The following ATP13A2 variants were observed in gnomAD, a reference collection of about 807,000 sequenced individuals.
ATP13A2 encodes the protein ATPase cation transporting 13A2, also known as polyamine-transporting ATPase 13A2.
ATP13A2 carries 83 observed loss-of-function variants against 138.3 expected under a neutral mutation model. The observed-to-expected ratio is 0.60, with a 90% CI of 0.50 to 0.72. The LOEUF is 0.72. Among genes scored for constraint, ATP13A2 ranks in the 30% least tolerant of loss-of-function variants. ATP13A2 has a pLI of 0.00. For synonymous variants in ATP13A2, 663 were observed against 699.0 expected (o/e 0.95, Z 0.81); for missense variants, 1,402 against 1,606.4 (o/e 0.87, Z 2.17).
Position 16,996,231 on chromosome 1 carries a change from C to G in ATP13A2, c.1353+23G>C, listed in dbSNP as rs1477563301. 8 of 1,614,090 alleles carry G rather than the reference C, an allele frequency of 5.0e-6. No homozygotes were observed. The East Asian group carries it at 1.8e-4, about 36-fold the overall frequency. On this transcript the variant is annotated intron_variant, in intron 14 of 28. Transcript: ENST00000326735. ...CCCCTGGGCCCTGCTGGCAGCACCC[C>G]CCACCCCACCCCCAAGGCTTACCCG...
chr1:16,986,608 A>G lies in ATP13A2; in HGVS notation c.3260T>C (p.Leu1087Pro). 2 of 1,610,464 alleles carry G rather than the reference A, an allele frequency of 1.2e-6. No individual in the cohort carries two copies. Among genetic ancestry groups the G allele is most frequent in the South Asian group, 2.2e-5 (2 of 90,990 alleles). ...AAGGCCCACCAGGACGGAGCTCAGG[A>G]GCGCCAGGGCCACCAGGAAGGGCAC... is the stretch of plus-strand genomic sequence containing the variant. Reference protein sequence around the residue: ...TNVPFLVALALLSSVLVGLVL... With the variant: ...TNVPFLVALAPLSSVLVGLVL... The change falls in exon 28 of 29, where the codon CTC becomes CCC. Residue 1087 changes from leucine (L) to proline (P), a missense_variant. Coordinates refer to ENST00000326735, the MANE Select transcript of ATP13A2 (RefSeq NM_022089.4). The surrounding 1 kb of genome is among the most constrained non-coding windows in gnomAD (Gnocchi z 6.9).
In ATP13A2 at chr1:17,004,342, A is replaced by G; in HGVS notation, c.547T>C (p.Tyr183His). ...YIWIETQQAF[Y>H]QVSLLDHGRS... Reference sequence around the variant, plus strand: ...GGCCCTGACTCCTACCTGACCTGGTAGAAGGCTTGCTGGGTCTCGATCCAG... The same window carrying G: ...GGCCCTGACTCCTACCTGACCTGGTGGAAGGCTTGCTGGGTCTCGATCCAG... The change falls in exon 6 of 29, where the codon TAC becomes CAC. Residue 183 changes from tyrosine (Y) to histidine (H), a missense_variant. Transcript: ENST00000326735. The surrounding 1 kb of genome is among the most constrained non-coding windows in gnomAD (Gnocchi z 4.1). 6.2e-7 allele frequency: 1 copy of G among 1,613,904 alleles called. No homozygotes were observed. The highest frequency in any genetic ancestry group is 8.5e-7 in the Non-Finnish European group (1 of 1,179,914).
In ATP13A2 at chr1:16,988,151, A is replaced by G; in HGVS notation, c.2846T>C (p.Leu949Pro). The G allele has an allele frequency of 6.2e-7, 1 of 1,613,914 alleles. No homozygotes were observed. The highest frequency in any genetic ancestry group is 2.2e-5 in the East Asian group (1 of 44,878). Residue 949 changes from leucine (L) to proline (P), a missense_variant, in exon 25 of 29, where the codon CTG (leucine) becomes CCG (proline). Physicochemically the swap from Leu to Pro is moderately conservative, Grantham distance 98 (BLOSUM62 -3). Transcript: ENST00000326735. ...LYSLTQFISV[L>P]ILYTINTNLG... ...GCAGATACTCACCGTGTAGAGGATC[A>G]GGACGGAGATGAACTGGGTCAGGCT...
rs145031260 is a variant in ATP13A2 at position 17,004,738 on chromosome 1, T to A, written c.431A>T (p.Asp144Val). ...VGAVPEGAWK[D>V]TAQLHKSEEA... Reference sequence around the variant, plus strand: ...CTCGCTCTTGTGGAGCTGGGCCGTATCCTTCCAGGCACCCTCTGGTACCGC... The same window carrying A: ...CTCGCTCTTGTGGAGCTGGGCCGTAACCTTCCAGGCACCCTCTGGTACCGC... Residue 144 changes from aspartate (D) to valine (V), a missense_variant, in exon 5 of 29, where the codon GAT becomes GTT. Coordinates refer to ENST00000326735, the MANE Select transcript of ATP13A2 (RefSeq NM_022089.4). This position sits in a 1 kb window ranked among gnomAD's most constrained non-coding sequence, Gnocchi z 4.1. 4.6e-5 allele frequency: 75 copies of A among 1,613,976 alleles called. No individual in the cohort carries two copies. Among genetic ancestry groups the A allele is most frequent in the Non-Finnish European group, 5.8e-5 (68 of 1,180,042 alleles).
intron 16 of ATP13A2, 87 bp downstream of exon 16, chr1:16,993,542 C>G: frequency 1.5e-6 from 2 of 1,320,762 alleles, no homozygotes; most frequent in Non-Finnish European, 2.1e-6. Flanking sequence ...TAAGAGACCA[C>G]CCTGAAAGAT....
intron 8 of ATP13A2, among the ~76,000 whole-genome samples, chr1:17,001,640 T>C (rs2077360916): frequency 6.6e-6 from 1 of 152,150 alleles, no homozygotes; most frequent in African/African-American, 2.4e-5. Context: ...CAACTGAAGC[T>C]TGGATTTCTC....
Position 16,986,889 on chromosome 1 carries a change from A to C in ATP13A2, c.3151T>G (p.Phe1051Val), listed in dbSNP as rs1174489130. 1 of 1,614,092 alleles carries C rather than the reference A, an allele frequency of 6.2e-7. No individual in the cohort carries two copies. Among genetic ancestry groups the C allele is most frequent in the Admixed American group, 1.7e-5 (1 of 60,024 alleles). Residue 1051 changes from phenylalanine to valine, a missense_variant, in exon 27 of 29, where the codon TTC becomes GTC. Transcript: ENST00000326735. The surrounding 1 kb of genome is among the most constrained non-coding windows in gnomAD (Gnocchi z 6.9). ...AGGTACTGGAAGCTGGACAGAGAGA[A>C]GACCACGGTGTTCTCGTAGTTGGGC... ...NLPNYENTVV[F>V]SLSSFQYLIL... is the part of the protein sequence containing the mutation.
Position 16,991,066 on chromosome 1 carries a change from C to T in ATP13A2, c.2251+668G>A, listed in dbSNP as rs375151475. On this transcript the variant is annotated intron_variant, in intron 20 of 28. Transcript: ENST00000326735. ...CCGGGTTGAAGTGATTCTCCTGCCT[C>T]AGCCTCCCGAGTAGCTGGGATTACA... 3.9e-5 allele frequency among the ~76,000 whole-genome samples: 6 copies of T among 152,248 alleles called. No individual in the cohort carries two copies. In the South Asian group the frequency reaches 1.2e-3, roughly 32 times the overall value.
At chr1:16,991,329 TCTC>T (rs2076921572) in intron 20 of ATP13A2, among the ~76,000 whole-genome samples, 2 of 150,746 alleles carry the variant, frequency 1.3e-5, no homozygotes, top group South Asian at 4.2e-4. Flanking sequence ...AAGACATCCT[TCTC>T]CTTTGGCCTC....
chr1:17,000,111 C>T lies in ATP13A2; in HGVS notation c.939G>A (p.Val313=), dbSNP rs755392029. ...EEEWVDSSEL[V]PGDCLVLPQE... ...GGGGCAGCACCAGGCAGTCTCCGGG[C>T]ACTAGCTCACTGGAGTCCACCCACT... Residue 313 remains valine, a synonymous_variant, in exon 11 of 29, where the codon GTG becomes GTA. Coordinates refer to ENST00000326735, the MANE Select transcript of ATP13A2 (RefSeq NM_022089.4). The T allele has an allele frequency of 1.9e-6, 3 of 1,613,466 alleles. No individual in the cohort carries two copies. The highest frequency in any genetic ancestry group is 3.3e-5 in the Admixed American group (2 of 60,022).
chr1:16,991,597 C>T (rs950201375), intron 20 of ATP13A2, 137 bp downstream of exon 20: 19 of 1,293,762 alleles, frequency 1.5e-5, no homozygotes, highest in South Asian at 7.2e-5. Context: ...TGAAGATTCA[C>T]GAAATGTTTA....
intron 11 of ATP13A2, among the ~76,000 whole-genome samples, chr1:16,999,211 T>C (rs908686279): frequency 6.6e-6 from 1 of 151,658 alleles, no homozygotes; most frequent in Non-Finnish European, 1.5e-5. Flanking sequence ...TGAAACCCCA[T>C]CTCAACTAAA....
intron 6 of ATP13A2, among the ~76,000 whole-genome samples, chr1:17,002,800 G>A (rs1386348910): frequency 4.6e-5 from 7 of 152,088 alleles, no homozygotes; most frequent in South Asian, 2.1e-4. Context: ...TGCTTTGGAC[G>A]TGCCTGCCAC....
rs779310083 is a variant in ATP13A2 at position 16,986,356 on chromosome 1, G to A, written c.3408C>T (p.Ser1136=). 1.6e-5 allele frequency: 25 copies of A among 1,579,588 alleles called. No individual in the cohort carries two copies. Among genetic ancestry groups the A allele is most frequent in the Admixed American group, 1.8e-5 (1 of 54,260 alleles). ...LNFVGAFMLE[S]VLDQCLPACL... is the part of the protein sequence containing the mutation. ...AGGCGGGGAGGCACTGGTCTAGCAC[G>A]CTCTGCAAAGGGCAGGGAGGGTGTC... Residue 1136 remains serine, a splice_region_variant and synonymous_variant, in exon 29 of 29, where the codon AGC becomes AGT. Transcript: ENST00000326735. This position sits in a 1 kb window ranked among gnomAD's most constrained non-coding sequence, Gnocchi z 6.9.
intron 1 of ATP13A2, among the ~76,000 whole-genome samples, chr1:17,006,254 CTT>C (rs57121858): frequency 2.1e-5 from 3 of 142,992 alleles, no homozygotes; most frequent in Non-Finnish European, 1.5e-5. Context: ...CTTACCGTAT[CTT>C]TTTTTTTTTT....
Position 17,002,118 on chromosome 1 carries a change from G to A in ATP13A2, c.636-15C>T. On this transcript the variant is annotated splice_polypyrimidine_tract_variant and intron_variant, in intron 7 of 28. Coordinates refer to ENST00000326735, the MANE Select transcript of ATP13A2 (RefSeq NM_022089.4). Reference sequence around the variant, plus strand: ...AAATGGCCTTCCTGGAAGAGGGGATGAGGCCAAGCCATCAGAAGGAGGAGC... The same window carrying A: ...AAATGGCCTTCCTGGAAGAGGGGATAAGGCCAAGCCATCAGAAGGAGGAGC... 1 of 1,612,248 alleles carries A rather than the reference G, an allele frequency of 6.2e-7. No homozygotes were observed. Among genetic ancestry groups the A allele is most frequent in the Admixed American group, 1.7e-5 (1 of 59,704 alleles).
intron 17 of ATP13A2, 24 bp from the exon 18 acceptor site, chr1:16,992,426 AGGTGCTGGCTGGG>A: frequency 6.2e-7 from 1 of 1,613,538 alleles, no homozygotes. Flanking sequence ...GAGGCAGCTG[AGGTGCTGGCTGGG>A]GAGCCCACCC....
At position 16,997,417 on chromosome 1, in the gene ATP13A2, G is replaced by A. The variant is rs9435664; in HGVS notation, c.1040-242C>T. ...GCAGCCAGCTCCCTGGAACCAGCGG[G>A]GGGGGGTGGGTCAGACAGAGCATGT... On this transcript the variant is annotated intron_variant, in intron 11 of 28. Coordinates refer to ENST00000326735, the MANE Select transcript of ATP13A2 (RefSeq NM_022089.4). Among the ~76,000 whole-genome samples, 31 of 141,474 alleles carry A rather than the reference G, an allele frequency of 2.2e-4. 4 individuals carry two copies. Among genetic ancestry groups the A allele is most frequent in the African/African-American group, 8.1e-4 (31 of 38,470 alleles). 92.8% of individuals were successfully genotyped at this position (141,474 alleles called of 152,430 possible).
At chr1:17,003,958 A>C (rs2076601) in intron 6 of ATP13A2, among the ~76,000 whole-genome samples, 1 of 151,882 alleles carries the variant, frequency 6.6e-6, no homozygotes, top group African/African-American at 2.4e-5. Flanking sequence ...CACCGCACCC[A>C]GCCTGAGCTC....
Sources: allele counts gnomAD v4.1 joint callset (sites outside exome capture counted in the v4.1 genomes callset), GRCh38; gene constraint gnomAD v4.1.1; non-coding constraint Gnocchi (gnomAD v3.1); transcripts MANE v1.5; gene names NCBI Gene and HGNC (gene_info 2026-07-23, HGNC 2026-07-21).